Variants in FAR2 observed in about 807,000 individuals in gnomAD.
The protein encoded by FAR2 is fatty acyl-CoA reductase 2.
In FAR2, 19 loss-of-function variants were observed where a neutral mutation model predicts 56.0. The observed-to-expected ratio is 0.34, with a 90% CI of 0.24 to 0.50. The LOEUF is 0.50. Among genes scored for constraint, FAR2 ranks in the 20% least tolerant of loss-of-function variants. FAR2 has a pLI of 0.98. For synonymous variants in FAR2, 219 were observed against 218.8 expected, an observed-to-expected ratio of 1.00 and a Z score of -0.01; for missense variants, 508 against 642.2, an observed-to-expected ratio of 0.79 and a Z score of 2.26.
Position 29,266,083 on chromosome 12 carries a change from A to G in FAR2, c.-38-4329A>G, listed in dbSNP as rs114514583. ...TGTTGGTAGGCATGTACATTAGTACAATCACTACAGATAACAGTTTGGAGG... is the reference window on the plus strand; with the variant it reads ...TGTTGGTAGGCATGTACATTAGTACGATCACTACAGATAACAGTTTGGAGG... On this transcript the variant is annotated intron_variant, in intron 1 of 11. Transcript: ENST00000536681. Among the ~76,000 whole-genome samples the G allele has an allele frequency of 1.4e-3, 206 of 152,318 alleles. 2 individuals are homozygous for G. The highest frequency in any genetic ancestry group is 4.7e-3 in the African/African-American group (196 of 41,588).
At chr12:29,166,755 T>C (rs1949833766) in intron 1 of FAR2, among the ~76,000 whole-genome samples, 1 of 152,212 alleles carries the variant, frequency 6.6e-6, no homozygotes, top group Admixed American at 6.5e-5. Flanking sequence ...GACAGCTATA[T>C]CTGAAATCTC....
intron 10 of FAR2, among the ~76,000 whole-genome samples, chr12:29,322,361 C>T (rs1330125675): frequency 6.6e-6 from 1 of 152,178 alleles, no homozygotes; most frequent in Non-Finnish European, 1.5e-5. Flanking sequence ...TCTGCCTCTC[C>T]CAGCTACAGT....
At chr12:29,184,843 CCTT>C (rs1950025296) in intron 1 of FAR2, among the ~76,000 whole-genome samples, 1 of 152,136 alleles carries the variant, frequency 6.6e-6, no homozygotes, top group African/African-American at 2.4e-5. Context: ...TTAAATCTCT[CCTT>C]CATTTTTAAG....
intron 2 of FAR2, among the ~76,000 whole-genome samples, chr12:29,273,785 C>T (rs1037794032): frequency 1.4e-4 from 21 of 152,220 alleles, no homozygotes; most frequent in Admixed American, 9.2e-4. Context: ...GCCTGGGTTC[C>T]GGAGTGGGCT....
intron 2 of FAR2, among the ~76,000 whole-genome samples, chr12:29,273,423 G>A (rs755868642): frequency 2.0e-4 from 31 of 152,186 alleles, no homozygotes; most frequent in Non-Finnish European, 3.5e-4. Context: ...CACTCTGGCC[G>A]CAGACTGCCA....
chr12:29,326,913 C>G (rs1017600644), intron 10 of FAR2, among the ~76,000 whole-genome samples: 1 of 152,042 alleles, frequency 6.6e-6, no homozygotes, highest in South Asian at 2.1e-4. Flanking sequence ...GGCAATCAGG[C>G]AGGAGAAGGA....
At chr12:29,173,658 T>A (rs1263436046) in intron 1 of FAR2, among the ~76,000 whole-genome samples, 1 of 152,114 alleles carries the variant, frequency 6.6e-6, no homozygotes, top group Non-Finnish European at 1.5e-5. Flanking sequence ...TTGGTCCCAA[T>A]AGCTTAGGAT....
At position 29,171,871 on chromosome 12, in the gene FAR2, G is replaced by A. The variant is rs147283765; in HGVS notation, c.-39+22464G>A. 6.2e-3 allele frequency: 930 copies of A among 149,672 alleles called. 10 individuals carry two copies. Among genetic ancestry groups the A allele is most frequent in the African/African-American group, 0.022 (865 of 39,726 alleles). The allele number at this position is 149,672 out of a possible 1,614,324, so 9.3% of individuals were successfully genotyped here. A position where few individuals can be genotyped will look rare whatever the true frequency, so the allele number is the denominator to read the frequency against. ...CCACCCCATCTGGGAAGTGAGGAGC[G>A]TCTCTGCCCTGCCGCCCAACTGACT... On this transcript the variant is annotated intron_variant, in intron 1 of 11. Transcript: ENST00000536681.
chr12:29,325,758 G>T (rs888346054), intron 10 of FAR2, among the ~76,000 whole-genome samples: 1 of 152,102 alleles, frequency 6.6e-6, no homozygotes, highest in African/African-American at 2.4e-5. Context: ...GCAGTGTGTA[G>T]AGGGAAATTT....
intron 1 of FAR2, among the ~76,000 whole-genome samples, chr12:29,259,508 A>G (rs1033126036): frequency 3.9e-5 from 6 of 152,212 alleles, no homozygotes; most frequent in Admixed American, 3.3e-4. Flanking sequence ...TTCCATAAGA[A>G]CCACCTAAAG....
intron 4 of FAR2, among the ~76,000 whole-genome samples, chr12:29,297,541 G>A (rs890953648): frequency 6.6e-6 from 1 of 152,164 alleles, no homozygotes; most frequent in Non-Finnish European, 1.5e-5. Context: ...AAGTTCAGAA[G>A]AAAAATGTCT....
At chr12:29,319,818 T>C (rs1405524962) in intron 9 of FAR2, among the ~76,000 whole-genome samples, 2 of 152,168 alleles carry the variant, frequency 1.3e-5, no homozygotes, top group Non-Finnish European at 2.9e-5. Context: ...AATATAATAA[T>C]CCCTATTAAT....
intron 1 of FAR2, among the ~76,000 whole-genome samples, chr12:29,215,177 A>G (rs927633412): frequency 6.6e-6 from 1 of 152,246 alleles, no homozygotes; most frequent in Non-Finnish European, 1.5e-5. Context: ...ATCTTGATGT[A>G]TAATGAAGAG....
chr12:29,298,360 A>G (rs1337266244), intron 4 of FAR2, among the ~76,000 whole-genome samples: 1 of 151,380 alleles, frequency 6.6e-6, no homozygotes, highest in Non-Finnish European at 1.5e-5. Context: ...TTTCACAATG[A>G]ATTTGTCACA....
intron 1 of FAR2, among the ~76,000 whole-genome samples, chr12:29,254,525 A>C (rs79720281): frequency 1.3e-5 from 2 of 152,300 alleles, no homozygotes; most frequent in East Asian, 3.9e-4. Context: ...CAAGGCTTGG[A>C]TCAATTAGGT....
At chr12:29,318,935 A>G (rs1034136666) in intron 9 of FAR2, among the ~76,000 whole-genome samples, 7 of 152,058 alleles carry the variant, frequency 4.6e-5, no homozygotes, top group African/African-American at 1.7e-4. Context: ...GAGACTGTCA[A>G]TTGGCACTAC....
intron 8 of FAR2, among the ~76,000 whole-genome samples, chr12:29,313,286 T>C (rs1291088969): frequency 2.6e-5 from 4 of 152,184 alleles, no homozygotes; most frequent in Non-Finnish European, 5.9e-5. Context: ...CTTTTGGTTA[T>C]GCACAGAACC....
chr12:29,158,196 C>T (rs1591822506), intron 1 of FAR2, among the ~76,000 whole-genome samples: 1 of 152,046 alleles, frequency 6.6e-6, no homozygotes, highest in African/African-American at 2.4e-5. Flanking sequence ...AAAAAACCAA[C>T]TTTGTATTTC....
intron 1 of FAR2, among the ~76,000 whole-genome samples, chr12:29,192,589 CCT>C (rs759047557): frequency 2.5e-4 from 38 of 152,108 alleles, no homozygotes; most frequent in Non-Finnish European, 1.0e-4. Flanking sequence ...ACTCTAAACC[CCT>C]GAGTTCTTTA....
Sources: gnomAD v4.1 joint callset for allele counts (sites outside exome capture counted in the v4.1 genomes callset) on GRCh38, gnomAD v4.1.1 for gene constraint, MANE v1.5 for transcripts, NCBI Gene and HGNC (gene_info 2026-07-23, HGNC 2026-07-21) for gene names.